Variants in KLF8 observed in about 807,000 individuals in gnomAD.
KLF8 encodes KLF transcription factor 8.
A neutral mutation model predicts 18.2 loss-of-function variants in KLF8; 10 were observed. That is an observed-to-expected ratio of 0.55 (90% confidence interval 0.34 to 0.93). The LOEUF is 0.93. Ranked by LOEUF, KLF8 falls within the 40% of genes least tolerant of loss-of-function variation. The probability of loss-of-function intolerance (pLI) is 0.02; values close to 1 mark genes in which losing one functional copy is unlikely to be tolerated. For missense variants in KLF8, 264 were observed against 277.9 expected (o/e 0.95, Z 0.36); for synonymous variants, 109 against 97.3 (o/e 1.12, Z -0.71).
the KLF8 span, among the ~76,000 whole-genome samples, chrX:56,168,966 T>C: frequency 9.8e-5 from 11 of 111,762 alleles, no homozygotes; most frequent in Admixed American, 3.8e-4. Flanking sequence ...TTTCAAGCTG[T>C]ATTGCAAAGC....
At chrX:56,221,490 G>A in the KLF8 span, among the ~76,000 whole-genome samples, 1 of 111,706 alleles carries the variant, frequency 9.0e-6, no homozygotes, top group East Asian at 2.8e-4. Flanking sequence ...ATGAAGCTGC[G>A]GACCCTCGCG....
chrX:56,000,811 G>A, the KLF8 span, among the ~76,000 whole-genome samples: 1 of 105,098 alleles, frequency 9.5e-6, no homozygotes, highest in Admixed American at 1.0e-4. Flanking sequence ...CTTTTTTTTT[G>A]TATTGTTCTA....
chrX:56,058,209 T>C, the KLF8 span, among the ~76,000 whole-genome samples: 3 of 83,049 alleles, frequency 3.6e-5, no homozygotes, highest in East Asian at 3.4e-4. Context: ...TATATACACA[T>C]ATATATACGT....
chrX:56,152,397 G>T, the KLF8 span, among the ~76,000 whole-genome samples: 3 of 111,228 alleles, frequency 2.7e-5, no homozygotes, highest in African/African-American at 9.8e-5. Flanking sequence ...TTGATGCTCT[G>T]CTGTATAATC....
chrX:56,082,179 G>C, the KLF8 span, among the ~76,000 whole-genome samples: 1 of 111,762 alleles, frequency 8.9e-6, no homozygotes, highest in African/African-American at 3.2e-5. Flanking sequence ...ATCTAGTCTT[G>C]ACAGGTTGTG....
intron 5 of KLF8, among the ~76,000 whole-genome samples, chrX:56,275,591 T>C (rs2067110592): frequency 1.8e-5 from 2 of 111,977 alleles, no homozygotes; most frequent in African/African-American, 6.5e-5. Flanking sequence ...TAGAGGAAAG[T>C]ATTTCAGTTT....
At chrX:56,217,516 G>A in the KLF8 span, among the ~76,000 whole-genome samples, 1 of 110,560 alleles carries the variant, frequency 9.0e-6, no homozygotes, top group South Asian at 3.9e-4. Flanking sequence ...CTGGGTTCAA[G>A]CGATTCTCCT....
the KLF8 span, among the ~76,000 whole-genome samples, chrX:56,221,756 C>T: frequency 9.0e-6 from 1 of 111,654 alleles, no homozygotes; most frequent in Non-Finnish European, 1.9e-5. Context: ...CTCATAAAGG[C>T]AGTGTGGACC....
At chrX:55,981,847 G>C in the KLF8 span, among the ~76,000 whole-genome samples, 1 of 111,814 alleles carries the variant, frequency 8.9e-6, no homozygotes, top group Non-Finnish European at 1.9e-5. Flanking sequence ...GAACAATACT[G>C]TACCCTGAAG....
the KLF8 span, among the ~76,000 whole-genome samples, chrX:55,942,181 G>T: frequency 9.0e-6 from 1 of 111,530 alleles, no homozygotes; most frequent in Non-Finnish European, 1.9e-5. Flanking sequence ...GGAATACTAT[G>T]CAGCCATAAA....
upstream of KLF8, among the ~76,000 whole-genome samples, chrX:56,228,323 C>T (rs187825646): frequency 4.5e-5 from 5 of 111,426 alleles, no homozygotes; most frequent in East Asian, 1.1e-3. Context: ...ATCTCATTGG[C>T]GGCCAATCTA....
the KLF8 span, among the ~76,000 whole-genome samples, chrX:56,111,480 G>A: frequency 1.8e-5 from 2 of 111,797 alleles, no homozygotes; most frequent in African/African-American, 3.3e-5. Flanking sequence ...TTGACAAATG[G>A]GATCTAATTA....
chrX:56,147,459 A>G, the KLF8 span, among the ~76,000 whole-genome samples: 1 of 111,817 alleles, frequency 8.9e-6, no homozygotes, highest in Admixed American at 9.5e-5. Context: ...AAAACAAAAA[A>G]CAAAACAAAA....
the KLF8 span, among the ~76,000 whole-genome samples, chrX:56,045,490 G>T: frequency 8.9e-6 from 1 of 111,997 alleles, no homozygotes; most frequent in African/African-American, 3.2e-5. Flanking sequence ...GCTTTTAGCA[G>T]TATGGTCATA....
chrX:56,078,755 G>T, the KLF8 span, among the ~76,000 whole-genome samples: 1 of 111,484 alleles, frequency 9.0e-6, no homozygotes, highest in African/African-American at 3.3e-5. Context: ...GAATTCGGCT[G>T]TGAATCCATC....
the KLF8 span, among the ~76,000 whole-genome samples, chrX:55,940,018 T>A: frequency 1.8e-5 from 2 of 111,777 alleles, no homozygotes; most frequent in Non-Finnish European, 3.8e-5. Flanking sequence ...CCTCCCTAAC[T>A]CATTTGATGA....
At chrX:55,954,031 A>G in the KLF8 span, among the ~76,000 whole-genome samples, 1 of 109,928 alleles carries the variant, frequency 9.1e-6, no homozygotes, top group Non-Finnish European at 1.9e-5. Context: ...ATAGAATAGG[A>G]AAACGTATTT....
At chrX:56,191,463 G>A in the KLF8 span, among the ~76,000 whole-genome samples, 15 of 111,519 alleles carry the variant, frequency 1.3e-4, no homozygotes, top group Non-Finnish European at 2.1e-4. Flanking sequence ...ATTCCATGAG[G>A]CCAGTATAAA....
the KLF8 span, among the ~76,000 whole-genome samples, chrX:56,145,852 G>T: frequency 4.7e-5 from 5 of 107,366 alleles, no homozygotes; most frequent in African/African-American, 1.8e-4. Context: ...AATCTACAAA[G>T]AACTCAAACA....
Sources: allele counts gnomAD v4.1 joint callset (sites outside exome capture counted in the v4.1 genomes callset), GRCh38; gene constraint gnomAD v4.1.1; transcripts MANE v1.5; gene names NCBI Gene and HGNC (gene_info 2026-07-23, HGNC 2026-07-21).